The following ATP6V1B2 variants were observed in gnomAD, a reference collection of about 807,000 sequenced individuals.
ATP6V1B2 encodes the protein ATPase H+ transporting V1 subunit B2.
ATP6V1B2 carries 23 observed loss-of-function variants against 66.7 expected under a neutral mutation model. The ratio of observed to expected loss-of-function variants is 0.34; its 90% CI spans 0.25 to 0.49. The LOEUF (loss-of-function observed/expected upper bound fraction) is 0.49, where lower values mean the gene tolerates loss of function less well. Ranked by LOEUF, ATP6V1B2 falls within the 20% of genes least tolerant of loss-of-function variation. The pLI is 0.99. For synonymous variants in ATP6V1B2, 278 were observed against 236.7 expected (o/e 1.17, Z -1.60); for missense variants, 478 against 650.8 (o/e 0.73, Z 2.89).
chr8:20,204,603 G>A, intron 2 of ATP6V1B2, 64 bp downstream of exon 2: 1 of 1,401,492 alleles, frequency 7.1e-7, no homozygotes, highest in East Asian at 2.3e-5. Context: ...GTCCTATTTA[G>A]TATACTTTAA....
At chr8:20,212,441 G>A (rs1341942269) in intron 8 of ATP6V1B2, among the ~76,000 whole-genome samples, 2 of 152,130 alleles carry the variant, frequency 1.3e-5, no homozygotes, top group Non-Finnish European at 1.5e-5. Flanking sequence ...TATTAAATGA[G>A]ATCATACTTA....
chr8:20,212,759 T>G, intron 8 of ATP6V1B2, 23 bp from the exon 9 acceptor site: 1 of 1,610,624 alleles, frequency 6.2e-7, no homozygotes, highest in Non-Finnish European at 8.5e-7. Context: ...TTGAGTGGCC[T>G]AAGACTTAAT....
rs889170497 is a variant in ATP6V1B2 at position 20,204,630 on chromosome 8, T to G, written c.192+91T>G. The G allele has an allele frequency of 4.3e-6, 5 of 1,161,158 alleles. No homozygotes were observed. The South Asian group carries it at 5.8e-5, about 14-fold the overall frequency. The allele number at this position is 1,161,158 out of a possible 1,614,324, so 71.9% of individuals were successfully genotyped here. A position where few individuals can be genotyped will look rare whatever the true frequency, so the allele number is the denominator to read the frequency against. The stretch of plus-strand genomic sequence containing the variant: ...ATACTTTAAATTTTTGTTATGATTT[T>G]TAAGCCATACTTTAGACTGGGTGTC... On this transcript the variant is annotated intron_variant, in intron 2 of 13. Transcript: ENST00000276390.
At position 20,218,154 on chromosome 8, in the gene ATP6V1B2, A is replaced by T; in HGVS notation, c.1268A>T (p.Tyr423Phe). The T allele has an allele frequency of 6.2e-7, 1 of 1,612,528 alleles. No individual in the cohort carries two copies. Among genetic ancestry groups the T allele is most frequent in the Admixed American group, 1.7e-5 (1 of 59,868 alleles). Residue 423 changes from tyrosine (Y) to phenylalanine (F), a missense_variant and splice_region_variant, in exon 13 of 14, where the codon TAT (tyrosine) becomes TTT (phenylalanine). Coordinates refer to ENST00000276390, the MANE Select transcript of ATP6V1B2 (RefSeq NM_001693.4). ...GATGGGTGCCTTTCTTCTCTTTAGT[A>T]TGCGTGCTATGCTATTGGAAAGGAT... The part of the protein sequence containing the change: ...KDHADVSNQL[Y>F]ACYAIGKDVQ...
chr8:20,217,011 A>G (rs1017646572), intron 11 of ATP6V1B2: 1 of 541,856 alleles, frequency 1.8e-6, no homozygotes, highest in Non-Finnish European at 3.3e-6. Flanking sequence ...ACTTTTTTGG[A>G]TTTGATTCTC....
intron 1 of ATP6V1B2, among the ~76,000 whole-genome samples, chr8:20,198,407 G>A (rs1221742974): frequency 2.0e-5 from 3 of 152,188 alleles, no homozygotes; most frequent in African/African-American, 4.8e-5. Context: ...TAAATGTTGT[G>A]ATTTTTTAAA....
chr8:20,209,171 C>G (rs536134879), intron 2 of ATP6V1B2, among the ~76,000 whole-genome samples: 40 of 152,236 alleles, frequency 2.6e-4, no homozygotes, highest in African/African-American at 8.7e-4. Context: ...AGAGGAAAAG[C>G]AATACATTTA....
rs548097755 is a variant in ATP6V1B2, at chr8:20,197,420, CGATGCGGGG to C, written c.18_26del (p.Met6_Gly8del). 796 of 1,543,200 alleles carry C rather than the reference CGATGCGGGG, an allele frequency of 5.2e-4. 9 individuals carry two copies. In the South Asian group the frequency reaches 8.1e-3, roughly 16 times the overall value. On this transcript the variant is annotated inframe_deletion, in exon 1 of 14. Transcript: ENST00000276390. ...AGAGGAGACAAGATGGCGCTGCGGG[CGATGCGGGG>C]GATTGTCAACGGGGCCGCACCCGAG... is the stretch of plus-strand genomic sequence containing the variant.
chr8:20,217,761 T>C (rs1402270497), intron 12 of ATP6V1B2, among the ~76,000 whole-genome samples: 2 of 152,098 alleles, frequency 1.3e-5, no homozygotes, highest in Non-Finnish European at 2.9e-5. Context: ...CTAACACAAA[T>C]AAAGAAAAAC....
chr8:20,213,623 G>A (rs1043470964), intron 9 of ATP6V1B2: 1 of 152,294 alleles, frequency 6.6e-6, no homozygotes, highest in Non-Finnish European at 1.5e-5. Context: ...CTGCCCTCCA[G>A]TCTGGGTGAC....
chr8:20,207,432 A>G (rs149915547), intron 2 of ATP6V1B2, among the ~76,000 whole-genome samples: 3 of 152,322 alleles, frequency 2.0e-5, no homozygotes, highest in East Asian at 3.9e-4. Context: ...AAAGATCTAA[A>G]TATAGAAAAG....
At position 20,204,586 on chromosome 8, in the gene ATP6V1B2, G is replaced by A. The variant is rs779712186; in HGVS notation, c.192+47G>A. The A allele has an allele frequency of 2.0e-6, 3 of 1,512,130 alleles. No individual in the cohort carries two copies. In the African/African-American group the frequency reaches 4.2e-5, roughly 21 times the overall value. The allele number at this position is 1,512,130 out of a possible 1,614,324, so 93.7% of individuals were successfully genotyped here. On this transcript the variant is annotated intron_variant, in intron 2 of 13. Transcript: ENST00000276390. The stretch of plus-strand genomic sequence containing the variant: ...GTCTATTTATGTAGTTAAAAATGTG[G>A]CATTAAGTCCTATTTAGTATACTTT...
Position 20,218,296 on chromosome 8 carries a change from T to G in ATP6V1B2, c.1396+14T>G, listed in dbSNP as rs367718980. 1.9e-6 allele frequency: 3 copies of G among 1,607,798 alleles called. No individual in the cohort carries two copies. The highest frequency in any genetic ancestry group is 2.5e-6 in the Non-Finnish European group (3 of 1,177,866). ...TCATTGCTCAGGGTAAGATGACTGTTGGCTTACAAACATAAAAAGCCTCAT... is the reference window on the plus strand; with the variant it reads ...TCATTGCTCAGGGTAAGATGACTGTGGGCTTACAAACATAAAAAGCCTCAT... On this transcript the variant is annotated intron_variant, in intron 13 of 13. Transcript: ENST00000276390.
chr8:20,200,335 C>A (rs983993481), intron 1 of ATP6V1B2, among the ~76,000 whole-genome samples: 5 of 152,062 alleles, frequency 3.3e-5, no homozygotes, highest in Admixed American at 3.3e-4. Flanking sequence ...TCACACTGAA[C>A]CTTTAGAAGT....
At chr8:20,208,496 A>G (rs1357410944) in intron 2 of ATP6V1B2, among the ~76,000 whole-genome samples, 1 of 152,188 alleles carries the variant, frequency 6.6e-6, no homozygotes, top group Non-Finnish European at 1.5e-5. Flanking sequence ...AACATGCCAA[A>G]TGTCATGTTA....
At chr8:20,220,161 A>G (rs1352928835) in intron 13 of ATP6V1B2, 102 bp from the exon 14 acceptor site, 23 of 1,343,296 alleles carry the variant, frequency 1.7e-5, no homozygotes, top group East Asian at 2.8e-5. Flanking sequence ...TTTTTTTTCA[A>G]TATCTATTTA....
chr8:20,198,680 A>G (rs2128884179), intron 1 of ATP6V1B2, among the ~76,000 whole-genome samples: 1 of 152,312 alleles, frequency 6.6e-6, no homozygotes, highest in South Asian at 2.1e-4. Flanking sequence ...AGGATTTCAG[A>G]TGAAGGGTGT....
chr8:20,212,690 G>A, intron 8 of ATP6V1B2, 92 bp from the exon 9 acceptor site: 2 of 1,520,596 alleles, frequency 1.3e-6, no homozygotes, highest in Non-Finnish European at 1.8e-6. Context: ...TTTAAAAGGG[G>A]AATTGTACTG....
rs750780427 is a variant in ATP6V1B2, at chr8:20,197,461, G to A, written c.55G>A (p.Val19Met). 9 of 1,528,546 alleles carry A rather than the reference G, an allele frequency of 5.9e-6. No individual in the cohort carries two copies. In the South Asian group the frequency reaches 9.7e-5, roughly 16 times the overall value. 94.7% of individuals were successfully genotyped at this position (1,528,546 alleles called of 1,614,324 possible). A position where few individuals can be genotyped will look rare whatever the true frequency, so the allele number is the denominator to read the frequency against. The change falls in exon 1 of 14, where the codon GTG becomes ATG. Residue 19 changes from valine (V) to methionine (M), a missense_variant. Around this residue, in one of 2 missense-constraint regions of ATP6V1B2, gnomAD observed 152 missense variants for 105.2 expected, o/e 1.44. Coordinates refer to ENST00000276390, the MANE Select transcript of ATP6V1B2 (RefSeq NM_001693.4). Reference sequence around the variant, plus strand: ...CAACGGGGCCGCACCCGAGCTACCCGTGCCCACCGGTGGGCCGGCGGTGGG... The same window carrying A: ...CAACGGGGCCGCACCCGAGCTACCCATGCCCACCGGTGGGCCGGCGGTGGG... ...IVNGAAPELP[V>M]PTGGPAVGAR...
Sources: gnomAD v4.1 joint callset for allele counts (sites outside exome capture counted in the v4.1 genomes callset) on GRCh38, gnomAD v4.1.1 for gene constraint, gnomAD v4.1.1 regional missense constraint, MANE v1.5 for transcripts, NCBI Gene and HGNC (gene_info 2026-07-23, HGNC 2026-07-21) for gene names.